Variants in RALGAPA2 observed in about 807,000 individuals in gnomAD.
RALGAPA2 encodes ral GTPase-activating protein subunit alpha-2.
A neutral mutation model predicts 230.4 loss-of-function variants in RALGAPA2; 139 were observed. That is an observed-to-expected ratio of 0.60 (90% CI 0.53 to 0.69). RALGAPA2 has a LOEUF of 0.69. Among genes scored for constraint, RALGAPA2 ranks in the 30% least tolerant of loss-of-function variants. The pLI is 0.00. For synonymous variants in RALGAPA2, 847 were observed against 837.8 expected, an observed-to-expected ratio of 1.01 and a Z score of -0.19; for missense variants, 2,163 against 2,276.0, an observed-to-expected ratio of 0.95 and a Z score of 1.01.
chr20:20,462,275 AT>A (rs2061319581), intron 37 of RALGAPA2, among the ~76,000 whole-genome samples: 1 of 152,214 alleles, frequency 6.6e-6, no homozygotes, highest in Non-Finnish European at 1.5e-5. Flanking sequence ...ATATTGTGGC[AT>A]TTTGGGGACA....
intron 37 of RALGAPA2, among the ~76,000 whole-genome samples, chr20:20,450,688 A>G (rs2060967583): frequency 6.6e-6 from 1 of 152,098 alleles, no homozygotes; most frequent in Non-Finnish European, 1.5e-5. Flanking sequence ...CCCATTCTGC[A>G]GGGTTGTCGC....
intron 37 of RALGAPA2, among the ~76,000 whole-genome samples, chr20:20,448,199 A>G (rs895737841): frequency 6.6e-6 from 1 of 152,238 alleles, no homozygotes; most frequent in African/African-American, 2.4e-5. Context: ...TGATGAAAAG[A>G]GCTGAATACA....
At position 20,437,258 on chromosome 20, in the gene RALGAPA2, C is replaced by G. The variant is rs2060635279; in HGVS notation, c.5496-25110G>C. Among the ~76,000 whole-genome samples, 1 of 152,244 alleles carries G rather than the reference C, an allele frequency of 6.6e-6. No homozygotes were observed. Among genetic ancestry groups the G allele is most frequent in the African/African-American group, 2.4e-5 (1 of 41,456 alleles). ...AAGACCGCCTGGTCACTGAGGCACA[C>G]ATGACTCTGCACCCTCTGACATGCC... is the stretch of plus-strand genomic sequence containing the variant. On this transcript the variant is annotated intron_variant, in intron 37 of 39. Transcript: ENST00000202677. This position sits in a 1 kb window ranked among gnomAD's most constrained non-coding sequence, Gnocchi z 4.1.
intron 37 of RALGAPA2, among the ~76,000 whole-genome samples, chr20:20,418,045 A>G (rs1569379692): frequency 6.6e-6 from 1 of 152,240 alleles, no homozygotes; most frequent in African/African-American, 2.4e-5. Flanking sequence ...GACCACATTC[A>G]AAGTAAGAGC....
At chr20:20,686,418 T>C (rs1204567126) in intron 1 of RALGAPA2, among the ~76,000 whole-genome samples, 5 of 151,694 alleles carry the variant, frequency 3.3e-5, no homozygotes, top group East Asian at 1.9e-4. Flanking sequence ...TGGTGGCACA[T>C]GTCTGTAATC....
Position 20,605,265 on chromosome 20 carries a change from C to T in RALGAPA2, c.1948G>A (p.Val650Met). The change falls in exon 15 of 40, where the codon GTG (valine) becomes ATG (methionine). Residue 650 changes from valine (V) to methionine (M), a missense_variant. By Grantham distance (21) the Val-to-Met change is conservative. Transcript: ENST00000202677. The stretch of plus-strand genomic sequence containing the variant: ...ACTCCATAAACGGTTCTTGCAAGCA[C>T]TGCTGTCAAGGAGTCCATAATGTTG... Reference protein sequence around the residue: ...WANIMDSLTAVLARTVYGVEM... With the variant: ...WANIMDSLTAMLARTVYGVEM... 1 of 1,613,892 alleles carries T rather than the reference C, an allele frequency of 6.2e-7. No individual in the cohort carries two copies. The highest frequency in any genetic ancestry group is 8.5e-7 in the Non-Finnish European group (1 of 1,179,852).
rs543569264 is a variant in RALGAPA2 at position 20,525,833 on chromosome 20, C to A, written c.3693+419G>T. Among the ~76,000 whole-genome samples, 3 of 152,284 alleles carry A rather than the reference C, an allele frequency of 2.0e-5. No homozygotes were observed. The East Asian group carries it at 5.8e-4, about 29-fold the overall frequency. On this transcript the variant is annotated intron_variant, in intron 28 of 39. Transcript: ENST00000202677. ...AATCTCATTACAGCCGGTAATCATG[C>A]TAGGGCAGAAAGTGTGGTCCAGGGC...
rs990977062 is a variant in RALGAPA2, at chr20:20,390,846, A to C, written c.*2443T>G. 5.3e-5 allele frequency: 8 copies of C among 152,204 alleles called. No individual in the cohort carries two copies. Among genetic ancestry groups the C allele is most frequent in the African/African-American group, 1.9e-4 (8 of 41,460 alleles). 9.4% of individuals were successfully genotyped at this position (152,204 alleles called of 1,614,324 possible). A position where few individuals can be genotyped will look rare whatever the true frequency, so the allele number is the denominator to read the frequency against. ...AGCTGCTACTGAGAATGGCAGGCTCAAAAAACTCTAGTCACCAAACTGCTG... is the reference window on the plus strand; with the variant it reads ...AGCTGCTACTGAGAATGGCAGGCTCCAAAAACTCTAGTCACCAAACTGCTG... On this transcript the variant is annotated 3_prime_UTR_variant, in exon 40 of 40. Coordinates refer to ENST00000202677, the MANE Select transcript of RALGAPA2 (RefSeq NM_020343.4).
At chr20:20,625,396 A>G (rs2066461745) in intron 10 of RALGAPA2, among the ~76,000 whole-genome samples, 1 of 152,242 alleles carries the variant, frequency 6.6e-6, no homozygotes, top group East Asian at 1.9e-4. Flanking sequence ...AATTACATAT[A>G]CAGAGAGACT....
At chr20:20,438,647 A>G (rs957150033) in intron 37 of RALGAPA2, among the ~76,000 whole-genome samples, 3 of 152,220 alleles carry the variant, frequency 2.0e-5, no homozygotes, top group African/African-American at 7.2e-5. Flanking sequence ...ACGCACGCCA[A>G]CTGTCCAATC....
In RALGAPA2 at chr20:20,536,801, G is replaced by A; in HGVS notation, c.3286-17C>T. 2.5e-6 allele frequency: 4 copies of A among 1,606,632 alleles called. No individual in the cohort carries two copies. Among genetic ancestry groups the A allele is most frequent in the Non-Finnish European group, 3.4e-6 (4 of 1,175,622 alleles). Reference sequence around the variant, plus strand: ...ACGAGGCGCCTGCACATAAGGAAGAGGAGCACACACATTTCTCTTTTTGTA... The same window carrying A: ...ACGAGGCGCCTGCACATAAGGAAGAAGAGCACACACATTTCTCTTTTTGTA... On this transcript the variant is annotated splice_polypyrimidine_tract_variant and intron_variant, in intron 24 of 39. Coordinates refer to ENST00000202677, the MANE Select transcript of RALGAPA2 (RefSeq NM_020343.4).
At chr20:20,579,453 C>T (rs1006513505) in intron 20 of RALGAPA2, among the ~76,000 whole-genome samples, 26 of 152,116 alleles carry the variant, frequency 1.7e-4, no homozygotes, top group African/African-American at 6.0e-4. Context: ...ACATTTCTCA[C>T]CAAACCTTAC....
At chr20:20,668,274 G>T (rs1439822691) in intron 3 of RALGAPA2, among the ~76,000 whole-genome samples, 1 of 152,100 alleles carries the variant, frequency 6.6e-6, no homozygotes, top group Non-Finnish European at 1.5e-5. Flanking sequence ...ATGGTGGCAG[G>T]TGCCTGTAGT....
chr20:20,704,765 C>T (rs2069527933), intron 1 of RALGAPA2, among the ~76,000 whole-genome samples: 1 of 152,214 alleles, frequency 6.6e-6, no homozygotes, highest in South Asian at 2.1e-4. Context: ...GGCTCCTCTT[C>T]TGCTTAAAAC....
At chr20:20,539,943 A>AT (rs1290568768) in intron 24 of RALGAPA2, among the ~76,000 whole-genome samples, 2 of 152,138 alleles carry the variant, frequency 1.3e-5, no homozygotes, top group African/African-American at 4.8e-5. Context: ...AATTTCCTTC[A>AT]TTTTTTAAAG....
chr20:20,465,197 A>ACTCT lies in RALGAPA2; in HGVS notation c.5495+7628_5495+7631dup, dbSNP rs1556066775. 6.6e-4 allele frequency among the ~76,000 whole-genome samples: 97 copies of ACTCT among 147,426 alleles called. No individual in the cohort carries two copies. The East Asian group carries it at 7.3e-3, about 11-fold the overall frequency. On this transcript the variant is annotated intron_variant, in intron 37 of 39. Transcript: ENST00000202677. The stretch of plus-strand genomic sequence containing the variant: ...CACACACACACACACACACACACAC[A>ACTCT]CTCTCTCATACTAGGGGACAGCAGC...
chr20:20,624,966 C>T (rs1465009299), intron 10 of RALGAPA2, among the ~76,000 whole-genome samples: 1 of 152,182 alleles, frequency 6.6e-6, no homozygotes, highest in Non-Finnish European at 1.5e-5. Flanking sequence ...TTCCATACCT[C>T]CCCTTGTGCC....
At chr20:20,699,818 G>A (rs2069270451) in intron 1 of RALGAPA2, among the ~76,000 whole-genome samples, 1 of 152,188 alleles carries the variant, frequency 6.6e-6, no homozygotes. Context: ...AGATGCTGGT[G>A]AGGCTGTGGA....
chr20:20,683,078 C>T (rs1287863311), intron 1 of RALGAPA2, among the ~76,000 whole-genome samples: 2 of 152,214 alleles, frequency 1.3e-5, no homozygotes, highest in Admixed American at 1.3e-4. Context: ...TAAGTTGGAA[C>T]CTCCATCCAC....
Sources: gnomAD v4.1 joint callset for allele counts (sites outside exome capture counted in the v4.1 genomes callset) on GRCh38, gnomAD v4.1.1 for gene constraint, Gnocchi (gnomAD v3.1) non-coding constraint, MANE v1.5 for transcripts, NCBI Gene and HGNC (gene_info 2026-07-23, HGNC 2026-07-21) for gene names.